Variants in WARS2 observed in about 807,000 individuals in gnomAD.
The protein encoded by WARS2 is tryptophan--tRNA ligase, mitochondrial.
Under a neutral mutation model 36.5 loss-of-function variants are expected in WARS2, and 28 were observed. The observed-to-expected ratio is 0.77, with a 90% CI of 0.57 to 1.05. The LOEUF (loss-of-function observed/expected upper bound fraction) is 1.05. Ranked by LOEUF, WARS2 falls within the 50% of genes least tolerant of loss-of-function variation. The pLI, the probability that WARS2 is intolerant of heterozygous loss-of-function variation, is 0.00. For missense variants in WARS2, 435 were observed against 456.8 expected (o/e 0.95, Z 0.44); for synonymous variants, 174 against 178.4 (o/e 0.98, Z 0.20).
intron 2 of WARS2, among the ~76,000 whole-genome samples, chr1:119,065,459 C>T (rs1342989430): frequency 1.3e-5 from 2 of 151,548 alleles, no homozygotes; most frequent in Non-Finnish European, 2.9e-5. Flanking sequence ...TGACGAAACC[C>T]CGTCTCTACT....
intron 2 of WARS2, among the ~76,000 whole-genome samples, chr1:119,075,074 G>C (rs1292592846): frequency 1.3e-5 from 2 of 151,794 alleles, no homozygotes; most frequent in Non-Finnish European, 2.9e-5. Context: ...TAAAAGCTCA[G>C]ACTTCACCAC....
intron 3 of WARS2, among the ~76,000 whole-genome samples, chr1:119,044,735 A>G (rs1648650904): frequency 6.6e-6 from 1 of 152,132 alleles, no homozygotes; most frequent in African/African-American, 2.4e-5. Flanking sequence ...CCTCTTTAAC[A>G]AGAGCACTAA....
chr1:119,119,753 A>C (rs1655215689), intron 1 of WARS2, among the ~76,000 whole-genome samples: 1 of 152,138 alleles, frequency 6.6e-6, no homozygotes, highest in Non-Finnish European at 1.5e-5. Context: ...TAACTCCAAA[A>C]GGAACCCTCA....
Position 119,043,052 on chromosome 1 carries a change from T to TG in WARS2, c.430-704dup, listed in dbSNP as rs200205671. ...GATGATGTTAGAAACATTTAATAAC[T>TG]GGGGGGGGCAATAGATGCTGATTAT... On this transcript the variant is annotated intron_variant, in intron 3 of 5. Transcript: ENST00000235521. 8.4e-3 allele frequency among the ~76,000 whole-genome samples: 1,280 copies of TG among 151,728 alleles called. 33 individuals are homozygous for TG. The highest frequency in any genetic ancestry group is 4.7e-3 in the Non-Finnish European group (317 of 67,872).
chr1:119,081,736 C>T (rs1274108876), intron 1 of WARS2, among the ~76,000 whole-genome samples: 1 of 152,172 alleles, frequency 6.6e-6, no homozygotes, highest in African/African-American at 2.4e-5. Context: ...CATTGCCCTA[C>T]TATTTCAATC....
chr1:119,116,564 C>G lies in WARS2; in HGVS notation c.90+23991G>C, dbSNP rs115540615. 7.1e-3 allele frequency among the ~76,000 whole-genome samples: 1,078 copies of G among 152,240 alleles called. 11 individuals carry two copies. The highest frequency in any genetic ancestry group is 0.011 in the Non-Finnish European group (752 of 68,020). ...AGATAGCCAAAAAACTGTGAGTTCC[C>G]AAAGTGTGAAAGGGGGAAAAAGCCT... On this transcript the variant is annotated intron_variant, in intron 1 of 5. Transcript: ENST00000235521.
intron 2 of WARS2, 100 bp from the exon 3 acceptor site, chr1:119,045,762 C>G: frequency 1.1e-6 from 1 of 949,460 alleles, no homozygotes; most frequent in Non-Finnish European, 1.6e-6. Context: ...TGAAAATACC[C>G]CAAATTAAGG....
At chr1:119,130,058 T>G (rs1308029071) in intron 1 of WARS2, among the ~76,000 whole-genome samples, 1 of 152,004 alleles carries the variant, frequency 6.6e-6, no homozygotes, top group Non-Finnish European at 1.5e-5. Context: ...TCTCCATCTA[T>G]GCAGGGCATA....
In WARS2 at chr1:119,062,679, A is replaced by G. The variant is rs139713583; in HGVS notation, c.348+13671T>C. Among the ~76,000 whole-genome samples the G allele has an allele frequency of 1.4e-4, 22 of 152,230 alleles. No homozygotes were observed. The East Asian group carries it at 4.3e-3, about 29-fold the overall frequency. ...CCGTGTTTCCCATGCTATTCTCATG[A>G]TCGTGAATAAGTCTCACTAGATCTG... On this transcript the variant is annotated intron_variant, in intron 2 of 5. Transcript: ENST00000235521.
chr1:119,032,841 G>A lies in WARS2; in HGVS notation c.*70C>T. 7.0e-7 allele frequency: 1 copy of A among 1,423,978 alleles called. No individual in the cohort carries two copies. Among genetic ancestry groups the A allele is most frequent in the Non-Finnish European group, 9.5e-7 (1 of 1,049,132 alleles). 88.2% of individuals were successfully genotyped at this position (1,423,978 alleles called of 1,614,324 possible). ...CCAAAACTATAACTTTTTCTTTTTAGGAAAGCTGCCGTTATCAGAATGCAT... is the reference window on the plus strand; with the variant it reads ...CCAAAACTATAACTTTTTCTTTTTAAGAAAGCTGCCGTTATCAGAATGCAT... On this transcript the variant is annotated 3_prime_UTR_variant, in exon 6 of 6. Transcript: ENST00000235521.
At chr1:119,125,876 C>T (rs1185169466) in intron 1 of WARS2, among the ~76,000 whole-genome samples, 1 of 152,184 alleles carries the variant, frequency 6.6e-6, no homozygotes, top group African/African-American at 2.4e-5. Flanking sequence ...TGGATCTCCT[C>T]AACCTCAATC....
At chr1:119,048,710 C>T (rs1365224107) in intron 2 of WARS2, among the ~76,000 whole-genome samples, 1 of 152,116 alleles carries the variant, frequency 6.6e-6, no homozygotes, top group Non-Finnish European at 1.5e-5. Flanking sequence ...GTTTTCCTGC[C>T]CAAATGTTGC....
chr1:119,100,491 G>T (rs186842777), intron 1 of WARS2, among the ~76,000 whole-genome samples: 1 of 152,150 alleles, frequency 6.6e-6, no homozygotes, highest in Non-Finnish European at 1.5e-5. Context: ...ATCTGCACTC[G>T]CATGTTTACT....
intron 3 of WARS2, among the ~76,000 whole-genome samples, chr1:119,044,157 T>C (rs1430177438): frequency 1.3e-5 from 2 of 152,216 alleles, no homozygotes; most frequent in Non-Finnish European, 2.9e-5. Flanking sequence ...TTAGTATTAA[T>C]GAAGGAATCA....
chr1:119,073,784 G>A (rs1183702734), intron 2 of WARS2, among the ~76,000 whole-genome samples: 1 of 152,136 alleles, frequency 6.6e-6, no homozygotes, highest in Non-Finnish European at 1.5e-5. Context: ...GTTCCACATG[G>A]AAGAACATAT....
At position 119,106,796 on chromosome 1, in the gene WARS2, T is replaced by C. The variant is rs1172826155; in HGVS notation, c.91-30189A>G. Among the ~76,000 whole-genome samples, 4 of 152,336 alleles carry C rather than the reference T, an allele frequency of 2.6e-5. No homozygotes were observed. The East Asian group carries it at 7.7e-4, about 29-fold the overall frequency. On this transcript the variant is annotated intron_variant, in intron 1 of 5. Transcript: ENST00000235521. ...ATCCACATGCAGGTTTTTTGGAACA[T>C]AGTTTTCAATTGATTTTGGTGAACA... is the stretch of plus-strand genomic sequence containing the variant.
chr1:119,094,623 G>A (rs924605929), intron 1 of WARS2, among the ~76,000 whole-genome samples: 2 of 152,016 alleles, frequency 1.3e-5, no homozygotes, highest in Non-Finnish European at 2.9e-5. Flanking sequence ...ATACCAAAAA[G>A]GTTACTATAG....
At chr1:119,075,498 T>A (rs1212632558) in intron 2 of WARS2, among the ~76,000 whole-genome samples, 1 of 152,202 alleles carries the variant, frequency 6.6e-6, no homozygotes, top group African/African-American at 2.4e-5. Context: ...TCTGTAAGAA[T>A]CATTACATTA....
At chr1:119,131,293 T>C (rs1003456659) in intron 1 of WARS2, among the ~76,000 whole-genome samples, 2 of 152,000 alleles carry the variant, frequency 1.3e-5, no homozygotes, top group African/African-American at 4.8e-5. Flanking sequence ...CAGATAAGGA[T>C]AGGAAGAAAG....
Sources: gnomAD v4.1 joint callset for allele counts (sites outside exome capture counted in the v4.1 genomes callset) on GRCh38, gnomAD v4.1.1 for gene constraint, MANE v1.5 for transcripts, NCBI Gene and HGNC (gene_info 2026-07-23, HGNC 2026-07-21) for gene names.